The following ZGRF1 variants were observed in gnomAD, a reference collection of about 807,000 sequenced individuals.
The protein encoded by ZGRF1 is 5'-3' DNA helicase ZGRF1.
ZGRF1 carries 196 observed loss-of-function variants against 203.5 expected under a neutral mutation model. The observed-to-expected ratio is 0.96, with a 90% CI of 0.86 to 1.08. ZGRF1 has a LOEUF of 1.08. Among genes scored for constraint, ZGRF1 ranks in the 50% least tolerant of loss-of-function variants. The pLI is 0.00. For synonymous variants in ZGRF1, 809 were observed against 841.3 expected, an observed-to-expected ratio of 0.96 and a Z score of 0.66; for missense variants, 2,326 against 2,416.3, an observed-to-expected ratio of 0.96 and a Z score of 0.78.
Position 112,625,010 on chromosome 4 carries a change from G to A in ZGRF1, c.103-1134C>T, listed in dbSNP as rs138413626. On this transcript the variant is annotated intron_variant, in intron 3 of 27. Transcript: ENST00000505019. ...ACATGACGTATTGGGCTTGGTACAC[G>A]GCTCATGGTGTTAAACCCAGATACT... 1.8e-3 allele frequency among the ~76,000 whole-genome samples: 270 copies of A among 152,198 alleles called. 1 individual carries two copies. Among genetic ancestry groups the A allele is most frequent in the African/African-American group, 6.2e-3 (259 of 41,520 alleles).
intron 4 of ZGRF1, among the ~76,000 whole-genome samples, chr4:112,622,606 C>T (rs1354418213): frequency 6.6e-6 from 1 of 151,784 alleles, no homozygotes; most frequent in Admixed American, 6.6e-5. Flanking sequence ...TCAGACCGAC[C>T]CTGTAAAATC....
Position 112,584,182 on chromosome 4 carries a change from GA to G in ZGRF1, c.4102-9del. The G allele has an allele frequency of 6.5e-7, 1 of 1,541,174 alleles. No homozygotes were observed. Among genetic ancestry groups the G allele is most frequent in the Non-Finnish European group, 8.7e-7 (1 of 1,146,544 alleles). ...TGTATAAAAGAGACGACCCTAAGGG[GA>G]AAGAAAAAAGATCAACATTTAGTGA... On this transcript the variant is annotated splice_polypyrimidine_tract_variant and intron_variant, in intron 14 of 27. Transcript: ENST00000505019.
Position 112,578,419 on chromosome 4 carries a change from A to G in ZGRF1, c.4438+3244T>C, listed in dbSNP as rs887529396. Reference sequence around the variant, plus strand: ...TAGCAGAAGGCAAGAAATAACTAAGATCAGAGCAGAACTGAAGGAAATAGA... The same window carrying G: ...TAGCAGAAGGCAAGAAATAACTAAGGTCAGAGCAGAACTGAAGGAAATAGA... On this transcript the variant is annotated intron_variant, in intron 16 of 27. Coordinates refer to ENST00000505019, the MANE Select transcript of ZGRF1 (RefSeq NM_018392.5). 1.7e-5 allele frequency among the ~76,000 whole-genome samples: 2 copies of G among 119,144 alleles called. 1 individual carries two copies. Among genetic ancestry groups the G allele is most frequent in the Non-Finnish European group, 3.7e-5 (2 of 53,462 alleles). 78.2% of individuals were successfully genotyped at this position (119,144 alleles called of 152,430 possible). A position where few individuals can be genotyped will look rare whatever the true frequency, so the allele number is the denominator to read the frequency against.
chr4:112,545,392 G>A (rs999732046), intron 24 of ZGRF1, among the ~76,000 whole-genome samples: 2 of 151,994 alleles, frequency 1.3e-5, no homozygotes, highest in Non-Finnish European at 2.9e-5. Context: ...CACATGAAAA[G>A]ATGTTCAAGA....
At position 112,586,556 on chromosome 4, in the gene ZGRF1, G is replaced by T; in HGVS notation, c.3805C>A (p.Pro1269Thr). ...GCAGATTTTATTTTCTGCCCACTTG[G>T]AAAGCACAGCTCAGAGCCACTTATC... Reference protein sequence around the residue: ...QEISGSELCFPSGQKIKSAYL... With the variant: ...QEISGSELCFTSGQKIKSAYL... The change falls in exon 13 of 28, where the codon CCA becomes ACA. Residue 1269 changes from proline to threonine, a missense_variant. Transcript: ENST00000505019. 1 of 1,612,828 alleles carries T rather than the reference G, an allele frequency of 6.2e-7. No homozygotes were observed. Among genetic ancestry groups the T allele is most frequent in the Non-Finnish European group, 8.5e-7 (1 of 1,179,252 alleles).
chr4:112,562,976 T>C (rs985672734), intron 17 of ZGRF1, among the ~76,000 whole-genome samples, 155 bp downstream of exon 17: 1 of 152,174 alleles, frequency 6.6e-6, no homozygotes, highest in Admixed American at 6.5e-5. Flanking sequence ...CACAGAAATA[T>C]CTATATATTC....
In ZGRF1 at chr4:112,618,001, T is replaced by C; in HGVS notation, c.2041A>G (p.Lys681Glu). The C allele has an allele frequency of 6.2e-7, 1 of 1,612,566 alleles. No homozygotes were observed. Residue 681 changes from lysine (K) to glutamate (E), a missense_variant, in exon 6 of 28, where the codon AAA (lysine) becomes GAA (glutamate). By Grantham distance (56) the Lys-to-Glu change is moderately conservative. Transcript: ENST00000505019. ...INYDFALPPN[K>E]SKGINMNLHI... The stretch of plus-strand genomic sequence containing the variant: ...AAATTCATGTTTATACCTTTAGATT[T>C]ATTCGGGGGTAAAGCAAAATCATAG...
chr4:112,556,371 T>C (rs1211761235), intron 20 of ZGRF1, among the ~76,000 whole-genome samples: 2 of 152,106 alleles, frequency 1.3e-5, no homozygotes, highest in African/African-American at 4.8e-5. Context: ...TTGAATATAA[T>C]AGAGTTATAA....
chr4:112,586,617 TC>T, intron 12 of ZGRF1, 34 bp from the exon 13 acceptor site: 1 of 1,522,718 alleles, frequency 6.6e-7, no homozygotes. Flanking sequence ...TCATAGCAAC[TC>T]CAGAAAAATA....
At chr4:112,570,562 G>A (rs1462115886) in intron 16 of ZGRF1, among the ~76,000 whole-genome samples, 1 of 151,962 alleles carries the variant, frequency 6.6e-6, no homozygotes, top group East Asian at 1.9e-4. Flanking sequence ...TCCATCCTGG[G>A]CAACAGAGCA....
Position 112,587,548 on chromosome 4 carries a change from C to T in ZGRF1, c.3509G>A (p.Gly1170Asp), listed in dbSNP as rs766664439. The change falls in exon 12 of 28, where the codon GGC becomes GAC. Residue 1170 changes from glycine (G) to aspartate (D), a missense_variant. Coordinates refer to ENST00000505019, the MANE Select transcript of ZGRF1 (RefSeq NM_018392.5). ...PNRVDKRITDGFFAEAVSGMH... is the reference protein window; with the variant it reads ...PNRVDKRITDDFFAEAVSGMH... ...CCCAGAAACAGCCTCAGCAAAGAAG[C>T]CATCAGTTATTCTCTTATCAACTCT... The T allele has an allele frequency of 1.9e-6, 3 of 1,613,710 alleles. No individual in the cohort carries two copies. The highest frequency in any genetic ancestry group is 2.2e-5 in the South Asian group (2 of 91,082).
chr4:112,546,072 G>GTAA (rs142640030), intron 24 of ZGRF1, among the ~76,000 whole-genome samples: 4,986 of 147,254 alleles, frequency 0.034, 294 homozygotes, highest in African/African-American at 0.12. Flanking sequence ...GTACTTTAAA[G>GTAA]TAATAATAAT....
Position 112,619,172 on chromosome 4 carries a change from A to G in ZGRF1, c.870T>C (p.Ala290=), listed in dbSNP as rs749891369. ...QKQPQGSLKI[A]TKPKYLIQQE... is the part of the protein sequence containing the mutation. ...GTTGAATTAGGTACTTTGGTTTAGTAGCAATTTTTAAACTTCCTTGTGGTT... is the reference window on the plus strand; with the variant it reads ...GTTGAATTAGGTACTTTGGTTTAGTGGCAATTTTTAAACTTCCTTGTGGTT... Residue 290 remains alanine, a synonymous_variant, in exon 6 of 28, where the codon GCT becomes GCC. Transcript: ENST00000505019. 1 of 1,613,546 alleles carries G rather than the reference A, an allele frequency of 6.2e-7. No homozygotes were observed. The highest frequency in any genetic ancestry group is 8.5e-7 in the Non-Finnish European group (1 of 1,179,958).
intron 3 of ZGRF1, among the ~76,000 whole-genome samples, chr4:112,627,585 C>A (rs2047280250): frequency 6.6e-6 from 1 of 152,080 alleles, no homozygotes; most frequent in Non-Finnish European, 1.5e-5. Context: ...ACCAAAAATA[C>A]AAAAATTAGC....
intron 9 of ZGRF1, among the ~76,000 whole-genome samples, chr4:112,604,573 G>T (rs1750490244): frequency 6.6e-6 from 1 of 152,150 alleles, no homozygotes; most frequent in Non-Finnish European, 1.5e-5. Context: ...CAATGAGAAA[G>T]AATGCAAACA....
chr4:112,590,344 A>T (rs958417418), intron 10 of ZGRF1, among the ~76,000 whole-genome samples: 4 of 152,224 alleles, frequency 2.6e-5, no homozygotes, highest in African/African-American at 9.6e-5. Context: ...TGCCAGCTAT[A>T]CAGTTCATAT....
chr4:112,562,571 G>T, intron 17 of ZGRF1, 86 bp from the exon 18 acceptor site: 3 of 775,498 alleles, frequency 3.9e-6, no homozygotes, highest in Non-Finnish European at 4.4e-6. Flanking sequence ...ATAACTCAGA[G>T]TTCAGCTACT....
intron 16 of ZGRF1, among the ~76,000 whole-genome samples, chr4:112,576,202 C>G (rs2148966689): frequency 6.6e-6 from 1 of 152,324 alleles, no homozygotes; most frequent in South Asian, 2.1e-4. Context: ...CTCCAACAGA[C>G]CTGCAGCTGA....
intron 6 of ZGRF1, among the ~76,000 whole-genome samples, chr4:112,612,972 C>T (rs2046741084): frequency 6.6e-6 from 1 of 152,080 alleles, no homozygotes; most frequent in Non-Finnish European, 1.5e-5. Flanking sequence ...TCAAGACTCC[C>T]AGTATACTGT....
Sources: gnomAD v4.1 joint callset for allele counts (sites outside exome capture counted in the v4.1 genomes callset) on GRCh38, gnomAD v4.1.1 for gene constraint, MANE v1.5 for transcripts, NCBI Gene and HGNC (gene_info 2026-07-23, HGNC 2026-07-21) for gene names.